The following SYS1 variants were observed in gnomAD, a reference collection of about 807,000 sequenced individuals.
The protein encoded by SYS1 is SYS1 golgi trafficking protein.
A neutral mutation model predicts 17.8 loss-of-function variants in SYS1; 8 were observed. The ratio of observed to expected loss-of-function variants is 0.45; its 90% CI spans 0.26 to 0.81. SYS1 has a LOEUF of 0.81. SYS1 is among the 40% of genes least tolerant of loss of function. SYS1 has a pLI of 0.16. For missense variants in SYS1, 161 were observed against 203.9 expected (o/e 0.79, Z 1.28); for synonymous variants, 95 against 90.9 (o/e 1.05, Z -0.26).
downstream of SYS1, chr20:45,373,694 C>T: frequency 1.7e-6 from 1 of 590,110 alleles, no homozygotes; most frequent in Non-Finnish European, 3.0e-6. Context: ...GAGCGCGCCA[C>T]TCAGGAGACT....
In SYS1 at chr20:45,368,045, G is replaced by A. The variant is rs1004502990; in HGVS notation, c.*930G>A. 3.0e-6 allele frequency: 3 copies of A among 985,406 alleles called. No homozygotes were observed. The African/African-American group carries it at 5.2e-5, about 17-fold the overall frequency. 61.0% of individuals were successfully genotyped at this position (985,406 alleles called of 1,614,324 possible). Reference sequence around the variant, plus strand: ...GAATTTGCTGCTAAGATTTTTCTTTGGGGTGGAGTTTCCTCTGTGAGGGGC... The same window carrying A: ...GAATTTGCTGCTAAGATTTTTCTTTAGGGTGGAGTTTCCTCTGTGAGGGGC... On this transcript the variant is annotated 3_prime_UTR_variant, in exon 4 of 4. Coordinates refer to ENST00000243918, the MANE Select transcript of SYS1 (RefSeq NM_033542.4).
At chr20:45,374,921 C>T in exon 4 of SYS1, 1 of 1,402,336 alleles carries the variant, frequency 7.1e-7, no homozygotes, top group Non-Finnish European at 9.7e-7. Context: ...CCTCCCAGCA[C>T]TACCAGCCAC....
chr20:45,374,490 T>C, exon 4 of SYS1: 1 of 551,190 alleles, frequency 1.8e-6, no homozygotes, highest in Non-Finnish European at 3.2e-6. Flanking sequence ...CAGGATGGTC[T>C]TGAACTCCTG....
In SYS1 at chr20:45,366,955, T is replaced by G. The variant is rs773633735; in HGVS notation, c.311T>G (p.Leu104Arg). 1 of 1,614,206 alleles carries G rather than the reference T, an allele frequency of 6.2e-7. No individual in the cohort carries two copies. Among genetic ancestry groups the G allele is most frequent in the East Asian group, 2.2e-5 (1 of 44,890 alleles). Residue 104 changes from leucine to arginine, a missense_variant, in exon 4 of 4, where the codon CTG becomes CGG. Leu to Arg is a moderately radical substitution (Grantham distance 102). Coordinates refer to ENST00000243918, the MANE Select transcript of SYS1 (RefSeq NM_033542.4). The stretch of plus-strand genomic sequence containing the variant: ...GTCACTGTCCATTTCTTTCACCTCC[T>G]GGGCTGCTGGTTCTACAGCTCCCGT... ...FTVTVHFFHL[L>R]GCWFYSSRFP...
exon 4 of SYS1, chr20:45,374,539 T>C: frequency 1.9e-6 from 1 of 522,968 alleles, no homozygotes; most frequent in Non-Finnish European, 3.3e-6. Flanking sequence ...CCCAAGGTGC[T>C]GGGATTACAG....
downstream of SYS1, among the ~76,000 whole-genome samples, chr20:45,371,073 C>T (rs892113612): frequency 1.9e-4 from 29 of 152,086 alleles, no homozygotes; most frequent in Non-Finnish European, 1.5e-5. Flanking sequence ...GCTGTGAGAT[C>T]TTGGGTAAGC....
At chr20:45,370,770 G>A (rs1000533386), downstream of SYS1, among the ~76,000 whole-genome samples, 12 of 152,278 alleles carry the variant, frequency 7.9e-5, no homozygotes, top group Admixed American at 3.9e-4. Flanking sequence ...CGGCAGCCCA[G>A]GGACCACGGA....
In SYS1 at chr20:45,368,198, T is replaced by C; in HGVS notation, c.*1083T>C. Reference sequence around the variant, plus strand: ...CAGGCAAGGGAACTTTAAAGAATTATTAGGCCACCTTCTCCCTTTCCTGGA... The same window carrying C: ...CAGGCAAGGGAACTTTAAAGAATTACTAGGCCACCTTCTCCCTTTCCTGGA... On this transcript the variant is annotated 3_prime_UTR_variant, in exon 4 of 4. Coordinates refer to ENST00000243918, the MANE Select transcript of SYS1 (RefSeq NM_033542.4). 1.0e-6 allele frequency: 1 copy of C among 985,444 alleles called. No homozygotes were observed. Among genetic ancestry groups the C allele is most frequent in the African/African-American group, 1.7e-5 (1 of 57,362 alleles). The allele number at this position is 985,444 out of a possible 1,614,324, so 61.0% of individuals were successfully genotyped here.
rs567622855 is a variant in SYS1, at chr20:45,368,837, G to A, written c.*1722G>A. ...CTAACTTTGAAAGAACACCCATCAT[G>A]TGGCTGCTGTCACCCTTGACCAGCC... On this transcript the variant is annotated 3_prime_UTR_variant, in exon 4 of 4. Coordinates refer to ENST00000243918, the MANE Select transcript of SYS1 (RefSeq NM_033542.4). The A allele has an allele frequency of 2.2e-5, 22 of 985,452 alleles. No homozygotes were observed. The East Asian group carries it at 2.0e-3, about 91-fold the overall frequency. The allele number at this position is 985,452 out of a possible 1,614,324, so 61.0% of individuals were successfully genotyped here. A position where few individuals can be genotyped will look rare whatever the true frequency, so the allele number is the denominator to read the frequency against.
chr20:45,371,920 C>T, downstream of SYS1, among the ~76,000 whole-genome samples: 1 of 152,342 alleles, frequency 6.6e-6, no homozygotes, highest in East Asian at 1.9e-4. Flanking sequence ...GCTTAAACCC[C>T]CCTGAAACAG....
downstream of SYS1, among the ~76,000 whole-genome samples, chr20:45,371,322 A>G (rs559209850): frequency 2.0e-5 from 3 of 152,322 alleles, no homozygotes; most frequent in African/African-American, 4.8e-5. Flanking sequence ...ATTCTAGACA[A>G]TTATTAGGCT....
exon 4 of SYS1, chr20:45,374,416 C>T (rs544611177): frequency 1.4e-4 from 82 of 585,354 alleles, no homozygotes; most frequent in African/African-American, 1.3e-3. Flanking sequence ...ATACTACAAG[C>T]GCAAGGCACC....
At chr20:45,361,965 C>T (rs1988237914), upstream of SYS1, 1 of 984,992 alleles carries the variant, frequency 1.0e-6, no homozygotes. Context: ...CGTCTTTCCA[C>T]TTCAGAGAGG....
downstream of SYS1, chr20:45,374,060 C>G (rs747447182): frequency 2.5e-6 from 4 of 1,587,492 alleles, no homozygotes; most frequent in South Asian, 2.2e-5. Context: ...CCCCAGGGGG[C>G]GCTGGTCGTT....
At chr20:45,362,555 G>A (rs527858263), upstream of SYS1, among the ~76,000 whole-genome samples, 2 of 151,992 alleles carry the variant, frequency 1.3e-5, no homozygotes, top group Non-Finnish European at 2.9e-5. Flanking sequence ...TAGCAGAGAC[G>A]GGGTTTCTCC....
At chr20:45,373,835 C>T (rs570738339), downstream of SYS1, 49 of 1,475,098 alleles carry the variant, frequency 3.3e-5, no homozygotes, top group African/African-American at 6.4e-4. Flanking sequence ...AGGCCTCTTT[C>T]CTTCATCCTT....
rs889724634 is a variant in SYS1, at chr20:45,365,372, G to C, written c.163-247G>C. 5.1e-6 allele frequency: 3 copies of C among 592,808 alleles called. No individual in the cohort carries two copies. In the Admixed American group the frequency reaches 7.1e-5, roughly 14 times the overall value. 36.7% of individuals were successfully genotyped at this position (592,808 alleles called of 1,614,324 possible). On this transcript the variant is annotated intron_variant, in intron 2 of 3. Coordinates refer to ENST00000243918, the MANE Select transcript of SYS1 (RefSeq NM_033542.4). ...TTTATTACTTTGGGCAACTTAACTTGTCTGAGTTTTTACGTCCTCCTTTGT... is the reference window on the plus strand; with the variant it reads ...TTTATTACTTTGGGCAACTTAACTTCTCTGAGTTTTTACGTCCTCCTTTGT...
In SYS1 at chr20:45,367,625, G is replaced by A. The variant is rs1463729207; in HGVS notation, c.*510G>A. The A allele has an allele frequency of 4.0e-6, 4 of 996,248 alleles. No homozygotes were observed. In the East Asian group the frequency reaches 3.3e-4, roughly 81 times the overall value. 61.7% of individuals were successfully genotyped at this position (996,248 alleles called of 1,614,324 possible). On this transcript the variant is annotated 3_prime_UTR_variant, in exon 4 of 4. Transcript: ENST00000243918. ...CAGAGCCACAGAAAGAAATGTAGGT[G>A]TGAAGTATTAGGCTGCTGTCAGGGA... is the stretch of plus-strand genomic sequence containing the variant.
At chr20:45,364,521 G>C (rs1355340519) in intron 2 of SYS1, among the ~76,000 whole-genome samples, 1 of 123,246 alleles carries the variant, frequency 8.1e-6, no homozygotes, top group Non-Finnish European at 1.6e-5. Context: ...GCCCAGGCTG[G>C]AGTGCAGTGG....
Sources: gnomAD v4.1 joint callset for allele counts (sites outside exome capture counted in the v4.1 genomes callset) on GRCh38, gnomAD v4.1.1 for gene constraint, MANE v1.5 for transcripts, NCBI Gene and HGNC (gene_info 2026-07-23, HGNC 2026-07-21) for gene names.